The following BMP2K variants were observed in gnomAD, a reference collection of about 807,000 sequenced individuals.
BMP2K encodes the protein BMP2 inducible kinase.
In BMP2K, 74 loss-of-function variants were observed where a neutral mutation model predicts 116.0. That is an observed-to-expected ratio of 0.64 (90% CI 0.53 to 0.77). BMP2K has a LOEUF of 0.77. BMP2K is among the 30% of genes least tolerant of loss of function. BMP2K has a pLI of 0.00. For synonymous variants in BMP2K, 486 were observed against 502.5 expected, an observed-to-expected ratio of 0.97 and a Z score of 0.44; for missense variants, 1,365 against 1,403.6, an observed-to-expected ratio of 0.97 and a Z score of 0.44.
intron 9 of BMP2K, among the ~76,000 whole-genome samples, chr4:78,864,931 TCAAA>T (rs1731970208): frequency 6.6e-6 from 1 of 152,236 alleles, no homozygotes. Context: ...TTTCTTGATT[TCAAA>T]ACTGTGTTTA....
rs974770072 is a variant in BMP2K, at chr4:78,916,092, G to A, written c.*4059G>A. ...CTTGTTACAAAACATACTTGCTAAA[G>A]TAACTTCAGTCCTCAAATATAGCTG... is the stretch of plus-strand genomic sequence containing the variant. On this transcript the variant is annotated 3_prime_UTR_variant, in exon 16 of 16. Coordinates refer to ENST00000502613, the MANE Select transcript of BMP2K (RefSeq NM_198892.2). 6.6e-6 allele frequency: 1 copy of A among 151,780 alleles called. No homozygotes were observed. The highest frequency in any genetic ancestry group is 2.1e-4 in the South Asian group (1 of 4,820). 9.4% of individuals were successfully genotyped at this position (151,780 alleles called of 1,614,324 possible). A position where few individuals can be genotyped will look rare whatever the true frequency, so the allele number is the denominator to read the frequency against.
At chr4:78,824,501 C>T (rs1477762555) in intron 1 of BMP2K, among the ~76,000 whole-genome samples, 1 of 152,204 alleles carries the variant, frequency 6.6e-6, no homozygotes, top group Non-Finnish European at 1.5e-5. Context: ...TTCACTACCA[C>T]AAGAACAGTC....
intron 15 of BMP2K, among the ~76,000 whole-genome samples, chr4:78,894,423 G>A (rs1341338223): frequency 6.6e-6 from 1 of 152,180 alleles, no homozygotes; most frequent in Non-Finnish European, 1.5e-5. Flanking sequence ...TGCGTTACCT[G>A]TACTTACATG....
chr4:78,877,292 T>C (rs769902664), intron 13 of BMP2K, among the ~76,000 whole-genome samples: 1 of 152,158 alleles, frequency 6.6e-6, no homozygotes, highest in Non-Finnish European at 1.5e-5. Context: ...TTATAAACTT[T>C]GAAAATTTAA....
chr4:78,888,603 A>C (rs970011324), intron 15 of BMP2K, among the ~76,000 whole-genome samples: 1 of 152,194 alleles, frequency 6.6e-6, no homozygotes, highest in Admixed American at 6.5e-5. Context: ...TGAATAGTAG[A>C]GTTAGGAGAA....
chr4:78,911,147 G>A lies in BMP2K; in HGVS notation c.2600G>A (p.Arg867His), dbSNP rs769519712. ...GGCGCTGTCCCCTTCTTTGCAGTGCGTGCTCAACAGCCCCAGCAAGAAAAG... is the reference window on the plus strand; with the variant it reads ...GGCGCTGTCCCCTTCTTTGCAGTGCATGCTCAACAGCCCCAGCAAGAAAAG... ...VFGAVPFFAVRAQQPQQEKNE... is the reference protein window; with the variant it reads ...VFGAVPFFAVHAQQPQQEKNE... The change falls in exon 16 of 16, where the codon CGT becomes CAT. Residue 867 changes from arginine to histidine, a missense_variant. Arg to His is a conservative substitution (Grantham distance 29, BLOSUM62 0). Coordinates refer to ENST00000502613, the MANE Select transcript of BMP2K (RefSeq NM_198892.2). The A allele has an allele frequency of 2.4e-5, 39 of 1,613,794 alleles. No individual in the cohort carries two copies. In the Admixed American group the frequency reaches 3.5e-4, roughly 14 times the overall value.
chr4:78,788,341 A>G (rs900015849), intron 1 of BMP2K, among the ~76,000 whole-genome samples: 15 of 151,182 alleles, frequency 9.9e-5, no homozygotes, highest in Admixed American at 5.9e-4. Flanking sequence ...TATGTAAGAT[A>G]GTTAACTGTT....
intron 1 of BMP2K, among the ~76,000 whole-genome samples, chr4:78,781,739 A>G (rs543590328): frequency 6.6e-6 from 1 of 152,304 alleles, no homozygotes; most frequent in Non-Finnish European, 1.5e-5. Context: ...TTGGTAAAAC[A>G]GAAGTGCTGA....
At chr4:78,887,865 A>G (rs1312703661) in intron 15 of BMP2K, among the ~76,000 whole-genome samples, 1 of 152,140 alleles carries the variant, frequency 6.6e-6, no homozygotes. Context: ...GTTATAGTGG[A>G]AAAAAAGAGT....
chr4:78,885,715 T>C (rs1283839039), intron 14 of BMP2K, among the ~76,000 whole-genome samples: 1 of 152,200 alleles, frequency 6.6e-6, no homozygotes, highest in Non-Finnish European at 1.5e-5. Context: ...ACCAAAGGTC[T>C]GCTGGTAGAA....
intron 1 of BMP2K, among the ~76,000 whole-genome samples, chr4:78,778,112 C>CAT (rs1727334905): frequency 6.6e-6 from 1 of 152,132 alleles, no homozygotes; most frequent in Non-Finnish European, 1.5e-5. Context: ...ACTCAAATGC[C>CAT]ATATTCTGTC....
At chr4:78,867,052 T>G (rs911985832) in intron 10 of BMP2K, among the ~76,000 whole-genome samples, 2 of 151,764 alleles carry the variant, frequency 1.3e-5, no homozygotes, top group African/African-American at 4.8e-5. Context: ...ACACCTGTAG[T>G]CCCAGCTACT....
intron 1 of BMP2K, 36 bp downstream of exon 1, chr4:78,776,757 A>AG (rs777944039): frequency 8.0e-6 from 10 of 1,247,966 alleles, no homozygotes; most frequent in Non-Finnish European, 6.1e-6. Context: ...CAGGCAGGTG[A>AG]GGGAGGGTTG....
Position 78,869,668 on chromosome 4 carries a change from A to C in BMP2K, c.1232-1115A>C, listed in dbSNP as rs77920864. ...ATTATTATTTGCCAATTAAAAAATAAAAATTTTCAAGGTGAATGATTTTTG... is the reference window on the plus strand; with the variant it reads ...ATTATTATTTGCCAATTAAAAAATACAAATTTTCAAGGTGAATGATTTTTG... On this transcript the variant is annotated intron_variant, in intron 10 of 15. Coordinates refer to ENST00000502613, the MANE Select transcript of BMP2K (RefSeq NM_198892.2). 4.5e-3 allele frequency among the ~76,000 whole-genome samples: 684 copies of C among 152,324 alleles called. 3 individuals carry two copies. The highest frequency in any genetic ancestry group is 0.016 in the African/African-American group (647 of 41,566).
In BMP2K at chr4:78,911,275, C is replaced by T. The variant is rs866400970; in HGVS notation, c.2728C>T (p.Gln910Ter). The change falls in exon 16 of 16, where the codon CAA (glutamine) becomes TAA (stop). Residue 910 changes from glutamine (Q) to a stop codon, truncating the protein, a stop_gained. Transcript: ENST00000502613. LOFTEE classifies it high-confidence loss of function. The part of the protein sequence containing the change: ...KAPFSKKVNV[Q>*]ECHAVGPEAH... ...GCCTTTTAGCAAGAAGGTGAATGTA[C>T]AAGAATGCCATGCAGTGGGGCCTGA... The T allele has an allele frequency of 1.2e-6, 2 of 1,613,950 alleles. No homozygotes were observed. Among genetic ancestry groups the T allele is most frequent in the Non-Finnish European group, 8.5e-7 (1 of 1,179,876 alleles).
intron 6 of BMP2K, 58 bp from the exon 7 acceptor site, chr4:78,850,866 T>C: frequency 6.3e-7 from 1 of 1,576,514 alleles, no homozygotes; most frequent in South Asian, 1.2e-5. Flanking sequence ...AGTTTTTGGC[T>C]ATTTTTGTGT....
chr4:78,889,763 A>G (rs767433543), intron 15 of BMP2K, among the ~76,000 whole-genome samples: 16 of 152,256 alleles, frequency 1.1e-4, no homozygotes, highest in Non-Finnish European at 2.2e-4. Context: ...ATACAGAATG[A>G]TAAGTATATG....
intron 7 of BMP2K, among the ~76,000 whole-genome samples, chr4:78,854,110 T>G (rs553980386): frequency 1.4e-4 from 21 of 151,518 alleles, no homozygotes; most frequent in Non-Finnish European, 2.2e-4. Flanking sequence ...TAAGATTATT[T>G]TTCTTACCTC....
At chr4:78,871,173 A>C (rs1388730670) in intron 11 of BMP2K, 113 bp downstream of exon 11, 2 of 1,498,056 alleles carry the variant, frequency 1.3e-6, no homozygotes. Context: ...ATTTGAGTAA[A>C]CACTTTCCCC....
Sources: gnomAD v4.1 joint callset for allele counts (sites outside exome capture counted in the v4.1 genomes callset) on GRCh38, gnomAD v4.1.1 for gene constraint, MANE v1.5 for transcripts, NCBI Gene and HGNC (gene_info 2026-07-23, HGNC 2026-07-21) for gene names.